NUDCD3: variants seen among roughly 807,000 people sequenced by gnomAD.
The protein encoded by NUDCD3 is NudC domain containing 3.
In NUDCD3, 13 loss-of-function variants were observed where a neutral mutation model predicts 39.7. The observed-to-expected ratio is 0.33, with a 90% CI of 0.21 to 0.52. NUDCD3 has a LOEUF of 0.52. Ranked by LOEUF, NUDCD3 falls within the 20% of genes least tolerant of loss-of-function variation. The pLI is 0.96. For missense variants in NUDCD3, 453 were observed against 458.1 expected (o/e 0.99, Z 0.10); for synonymous variants, 175 against 172.4 (o/e 1.02, Z -0.12).
chr7:44,448,874 T>C (rs1015343510), intron 2 of NUDCD3, among the ~76,000 whole-genome samples: 6 of 152,214 alleles, frequency 3.9e-5, no homozygotes, highest in Non-Finnish European at 1.5e-5. Flanking sequence ...AGTGATAGCA[T>C]GATTTAGAGC....
rs1029639843 is a variant in NUDCD3, at chr7:44,409,753, G to T, written c.643-5170C>A. On this transcript the variant is annotated intron_variant, in intron 3 of 5. Coordinates refer to ENST00000355451, the MANE Select transcript of NUDCD3 (RefSeq NM_015332.4). ...ACTATGCAAAAATTACTAAAGGAAA[G>T]TATGGGAATAACGTCTTTTAAGTAG... 6.4e-4 allele frequency among the ~76,000 whole-genome samples: 98 copies of T among 152,110 alleles called. 1 individual carries two copies. Among genetic ancestry groups the T allele is most frequent in the Non-Finnish European group, 1.0e-4 (7 of 68,018 alleles).
intron 1 of NUDCD3, among the ~76,000 whole-genome samples, chr7:44,486,180 A>C (rs1800606269): frequency 6.6e-6 from 1 of 152,224 alleles, no homozygotes. Flanking sequence ...CTCTTGCAAT[A>C]ACTGGAGGAA....
intron 2 of NUDCD3, among the ~76,000 whole-genome samples, chr7:44,461,326 C>T (rs1800008776): frequency 6.6e-6 from 1 of 152,192 alleles, no homozygotes. Context: ...TGAGCATCTC[C>T]CACTCTATAT....
intron 2 of NUDCD3, among the ~76,000 whole-genome samples, chr7:44,450,834 G>C (rs766446235): frequency 3.9e-5 from 6 of 151,954 alleles, no homozygotes; most frequent in Non-Finnish European, 5.9e-5. Context: ...TACACAAATG[G>C]TCATAGCACA....
chr7:44,475,834 A>T (rs1800357327), intron 2 of NUDCD3, among the ~76,000 whole-genome samples: 1 of 152,194 alleles, frequency 6.6e-6, no homozygotes, highest in South Asian at 2.1e-4. Flanking sequence ...TATCCCAAAA[A>T]GTTAATAGGA....
chr7:44,392,252 A>T lies in NUDCD3; in HGVS notation c.975+45T>A, dbSNP rs746993024. The stretch of plus-strand genomic sequence containing the variant: ...TGCCACTATCGGCCTTGTCACCAGC[A>T]CAAGGGCCTAAAGGGTGGACTCTCC... On this transcript the variant is annotated intron_variant, in intron 5 of 5. Transcript: ENST00000355451. The T allele has an allele frequency of 8.9e-6, 14 of 1,578,150 alleles. No homozygotes were observed. The East Asian group carries it at 2.7e-4, about 30-fold the overall frequency.
chr7:44,395,466 G>A (rs961862770), intron 4 of NUDCD3, among the ~76,000 whole-genome samples: 2 of 152,200 alleles, frequency 1.3e-5, no homozygotes, highest in Non-Finnish European at 2.9e-5. Flanking sequence ...ATCCACAATG[G>A]TGCACAACCA....
intron 2 of NUDCD3, among the ~76,000 whole-genome samples, chr7:44,429,653 T>C (rs1254793297): frequency 6.6e-6 from 1 of 152,210 alleles, no homozygotes; most frequent in Non-Finnish European, 1.5e-5. Context: ...AGAGGTGATA[T>C]TCAAAATTCA....
At chr7:44,386,200 G>T in intron 5 of NUDCD3, 79 bp from the exon 6 acceptor site, 1 of 1,482,610 alleles carries the variant, frequency 6.7e-7, no homozygotes, top group Non-Finnish European at 9.3e-7. Flanking sequence ...CTGACTGCAG[G>T]TAGAGAGCCT....
intron 2 of NUDCD3, among the ~76,000 whole-genome samples, chr7:44,448,244 AAATT>A (rs1368478565): frequency 1.3e-5 from 2 of 152,186 alleles, no homozygotes; most frequent in African/African-American, 4.8e-5. Context: ...GCAGAAGGTG[AAATT>A]AATTCCTGGT....
intron 2 of NUDCD3, among the ~76,000 whole-genome samples, chr7:44,468,803 G>A (rs1174243335): frequency 1.3e-5 from 2 of 152,086 alleles, no homozygotes; most frequent in African/African-American, 4.8e-5. Context: ...AAATAAAGAA[G>A]TGCTCGAAAA....
intron 5 of NUDCD3, among the ~76,000 whole-genome samples, chr7:44,389,417 G>A (rs978263711): frequency 3.3e-5 from 5 of 152,190 alleles, no homozygotes; most frequent in African/African-American, 4.8e-5. Flanking sequence ...GGTGGCTCAC[G>A]CCTGTAATCC....
chr7:44,395,836 G>A (rs1180789043), intron 4 of NUDCD3, among the ~76,000 whole-genome samples: 1 of 152,082 alleles, frequency 6.6e-6, no homozygotes, highest in African/African-American at 2.4e-5. Flanking sequence ...GACATTTCAG[G>A]TGCCCCCACT....
intron 2 of NUDCD3, among the ~76,000 whole-genome samples, chr7:44,460,405 G>A (rs1799983253): frequency 6.6e-6 from 1 of 152,010 alleles, no homozygotes. Context: ...GACTAAGTAC[G>A]GCCTGCCCTA....
Position 44,442,679 on chromosome 7 carries a change from G to T in NUDCD3, c.510-14976C>A, listed in dbSNP as rs571688054. Among the ~76,000 whole-genome samples, 68 of 151,140 alleles carry T rather than the reference G, an allele frequency of 4.5e-4. 2 individuals carry two copies. The South Asian group carries it at 0.014, about 32-fold the overall frequency. On this transcript the variant is annotated intron_variant, in intron 2 of 5. Coordinates refer to ENST00000355451, the MANE Select transcript of NUDCD3 (RefSeq NM_015332.4). ...TTCCTCCCTAACTACAAGAGGGGCG[G>T]ACTCTCCCCTTTTCTTTTTTTTTTT...
At chr7:44,483,834 G>T (rs1299212383) in intron 2 of NUDCD3, among the ~76,000 whole-genome samples, 1 of 152,168 alleles carries the variant, frequency 6.6e-6, no homozygotes, top group African/African-American at 2.4e-5. Context: ...TATAGTGGCA[G>T]ACATCTCTAC....
At position 44,490,547 on chromosome 7, in the gene NUDCD3, C is replaced by A. The variant is rs1292480325; in HGVS notation, c.54G>T (p.Gln18His). 5.0e-6 allele frequency: 8 copies of A among 1,612,244 alleles called. No individual in the cohort carries two copies. Among genetic ancestry groups the A allele is most frequent in the Non-Finnish European group, 6.8e-6 (8 of 1,179,290 alleles). The change falls in exon 1 of 6, where the codon CAG becomes CAT. Residue 18 changes from glutamine (Q) to histidine (H), a missense_variant. Gln to His is a conservative substitution (Grantham distance 24). Transcript: ENST00000355451. ...LYDQALLGIL[Q>H]HVGNVQDFLR... ...GGAAATCCTGGACGTTGCCCACGTGCTGCAGGATGCCCAAAAGGGCCTGGT... is the reference window on the plus strand; with the variant it reads ...GGAAATCCTGGACGTTGCCCACGTGATGCAGGATGCCCAAAAGGGCCTGGT...
At position 44,490,615 on chromosome 7, in the gene NUDCD3, T is replaced by C; in HGVS notation, c.-15A>G. ...CCTGTCTCCATGTCGCCTCCCGCCC[T>C]AGGTACGCTTCACACACACAGCGCC... On this transcript the variant is annotated 5_prime_UTR_variant, in exon 1 of 6. Coordinates refer to ENST00000355451, the MANE Select transcript of NUDCD3 (RefSeq NM_015332.4). The C allele has an allele frequency of 6.3e-7, 1 of 1,592,142 alleles. No individual in the cohort carries two copies. The highest frequency in any genetic ancestry group is 8.5e-7 in the Non-Finnish European group (1 of 1,169,814).
intron 4 of NUDCD3, among the ~76,000 whole-genome samples, chr7:44,399,915 G>T (rs527611076): frequency 6.6e-6 from 1 of 152,334 alleles, no homozygotes; most frequent in South Asian, 2.1e-4. Flanking sequence ...ATACTCCAGA[G>T]CAATTTCACT....
Sources: gnomAD v4.1 joint callset for allele counts (sites outside exome capture counted in the v4.1 genomes callset) on GRCh38, gnomAD v4.1.1 for gene constraint, MANE v1.5 for transcripts, NCBI Gene and HGNC (gene_info 2026-07-23, HGNC 2026-07-21) for gene names.